The following PCDHGA4 variants were observed in gnomAD, a reference collection of about 807,000 sequenced individuals.
The protein encoded by PCDHGA4 is protocadherin gamma subfamily A, 4.
A neutral mutation model predicts 54.6 loss-of-function variants in PCDHGA4; 38 were observed. The ratio of observed to expected loss-of-function variants is 0.70; its 90% CI spans 0.54 to 0.91. The LOEUF is 0.91. PCDHGA4 is among the 40% of genes least tolerant of loss of function. The pLI is 0.00. For synonymous variants in PCDHGA4, 511 were observed against 512.9 expected, an observed-to-expected ratio of 1.00 and a Z score of 0.05; for missense variants, 1,298 against 1,220.9, an observed-to-expected ratio of 1.06 and a Z score of -0.94.
At chr5:141,428,034 T>A (rs768728101) in intron 1 of PCDHGA4, 8 of 1,607,778 alleles carry the variant, frequency 5.0e-6, no homozygotes, top group Middle Eastern at 1.7e-4. Context: ...AGAGTCCGGC[T>A]ACCTGGTGAC....
At position 141,511,187 on chromosome 5, in the gene PCDHGA4, C is replaced by T; in HGVS notation, c.*14C>T. The stretch of plus-strand genomic sequence containing the variant: ...GAGAAGAAGTAACATGGAGGCCAGG[C>T]CAAGAGCCACAGGGCGGCCTCTCCC... On this transcript the variant is annotated 3_prime_UTR_variant, in exon 4 of 4. Transcript: ENST00000571252. The T allele has an allele frequency of 1.2e-6, 2 of 1,613,868 alleles. No homozygotes were observed. The highest frequency in any genetic ancestry group is 1.7e-6 in the Non-Finnish European group (2 of 1,179,878).
At chr5:141,473,750 G>C (rs777343462) in intron 1 of PCDHGA4, among the ~76,000 whole-genome samples, 1 of 152,192 alleles carries the variant, frequency 6.6e-6, no homozygotes, top group Non-Finnish European at 1.5e-5. Context: ...TGAGAACTTG[G>C]ATACTATGCA....
chr5:141,418,095 C>T, intron 1 of PCDHGA4: 1 of 1,614,006 alleles, frequency 6.2e-7, no homozygotes, highest in Non-Finnish European at 8.5e-7. Context: ...AGCGTAGACG[C>T]GCAGAGCGGG....
At chr5:141,415,176 C>G (rs773987499) in intron 1 of PCDHGA4, 17 of 1,613,816 alleles carry the variant, frequency 1.1e-5, no homozygotes, top group Non-Finnish European at 5.1e-6. Flanking sequence ...TCACCGTGGC[C>G]GTGGCCGACA....
intron 1 of PCDHGA4, chr5:141,364,916 T>A (rs1264033754): frequency 1.5e-5 from 25 of 1,613,934 alleles, no homozygotes; most frequent in Non-Finnish European, 2.1e-5. Flanking sequence ...GGAGCTGGTG[T>A]TGGAACAGCC....
At chr5:141,361,200 C>T (rs1235032205) in intron 1 of PCDHGA4, 1 of 1,613,940 alleles carries the variant, frequency 6.2e-7, no homozygotes. Flanking sequence ...TATCTACTCC[C>T]CTACCGGAGG....
intron 1 of PCDHGA4, chr5:141,379,485 T>TA (rs755973263): frequency 2.0e-5 from 3 of 152,260 alleles, no homozygotes; most frequent in Non-Finnish European, 4.4e-5. Flanking sequence ...TATTTTACTA[T>TA]ACTACCAATT....
chr5:141,385,200 C>T (rs776177043), intron 1 of PCDHGA4: 3 of 1,614,214 alleles, frequency 1.9e-6, no homozygotes, highest in Non-Finnish European at 1.7e-6. Context: ...GGAAGAGTCA[C>T]CTGATCTTCC....
intron 2 of PCDHGA4, among the ~76,000 whole-genome samples, chr5:141,503,954 C>T (rs2099834393): frequency 6.6e-6 from 1 of 152,186 alleles, no homozygotes; most frequent in Non-Finnish European, 1.5e-5. Flanking sequence ...GCCTACCCTA[C>T]AGCCTTTCCC....
chr5:141,418,985 T>C, intron 1 of PCDHGA4: 1 of 1,613,882 alleles, frequency 6.2e-7, no homozygotes, highest in Non-Finnish European at 8.5e-7. Context: ...GGACCAAGAC[T>C]CAGGGGAAAA....
At chr5:141,438,631 TATATACACAC>T (rs1330021858) in intron 1 of PCDHGA4, among the ~76,000 whole-genome samples, 2,835 of 42,824 alleles carry the variant, frequency 0.066, 23 homozygotes, top group African/African-American at 0.13. Flanking sequence ...TATATATATA[TATATACACAC>T]ACACACACAC....
rs367846497 is a variant in PCDHGA4 at position 141,359,217 on chromosome 5, C to A, written c.2514+1596C>A. Among the ~76,000 whole-genome samples, 5 of 152,158 alleles carry A rather than the reference C, an allele frequency of 3.3e-5. No homozygotes were observed. In the East Asian group the frequency reaches 5.8e-4, roughly 18 times the overall value. Reference sequence around the variant, plus strand: ...CAAGTGAATGTTGAGAGACAACTTACATCTGAGGAGAGATTGTTTAAAGTA... The same window carrying A: ...CAAGTGAATGTTGAGAGACAACTTAAATCTGAGGAGAGATTGTTTAAAGTA... On this transcript the variant is annotated intron_variant, in intron 1 of 3. Transcript: ENST00000571252.
chr5:141,471,196 C>T (rs59385734), intron 1 of PCDHGA4: 16,293 of 151,632 alleles, frequency 0.11, 894 homozygotes, highest in South Asian at 0.15. Context: ...ATTACAGGCA[C>T]CCACCCCCAT....
At chr5:141,406,116 AG>A (rs982166274) in intron 1 of PCDHGA4, among the ~76,000 whole-genome samples, 4 of 147,788 alleles carry the variant, frequency 2.7e-5, no homozygotes, top group African/African-American at 1.0e-4. Context: ...TCTGTTGTCC[AG>A]GGTGGAATGC....
intron 1 of PCDHGA4, chr5:141,394,355 G>C (rs767192511): frequency 4.3e-6 from 7 of 1,614,064 alleles, no homozygotes; most frequent in African/African-American, 1.3e-5. Context: ...CCGGTGTCCT[G>C]TATGCGCTGC....
intron 1 of PCDHGA4, chr5:141,374,044 T>C: frequency 6.8e-7 from 1 of 1,465,536 alleles, no homozygotes; most frequent in Non-Finnish European, 9.0e-7. Flanking sequence ...GATCTGTTCT[T>C]CCTCTTCTTA....
intron 1 of PCDHGA4, chr5:141,416,047 A>T (rs2095986655): frequency 1.6e-5 from 3 of 187,858 alleles, no homozygotes; most frequent in Non-Finnish European, 3.2e-5. Context: ...TGGAAACACA[A>T]CCCAAATCCA....
chr5:141,446,188 T>G (rs566309564), intron 1 of PCDHGA4, among the ~76,000 whole-genome samples: 28 of 152,326 alleles, frequency 1.8e-4, no homozygotes, highest in African/African-American at 6.3e-4. Context: ...TTTTGTTTAT[T>G]ATTATATTCC....
At chr5:141,457,820 C>CTCAG (rs2098930320) in intron 1 of PCDHGA4, among the ~76,000 whole-genome samples, 1 of 152,198 alleles carries the variant, frequency 6.6e-6, no homozygotes, top group African/African-American at 2.4e-5. Flanking sequence ...CCAAGATAAA[C>CTCAG]TCAGAGCTTC....
Sources: allele counts gnomAD v4.1 joint callset (sites outside exome capture counted in the v4.1 genomes callset), GRCh38; gene constraint gnomAD v4.1.1; transcripts MANE v1.5; gene names NCBI Gene and HGNC (gene_info 2026-07-23, HGNC 2026-07-21).